ZNF23: variants seen among roughly 807,000 people sequenced by gnomAD.
The protein encoded by ZNF23 is zinc finger protein 23.
ZNF23 carries 48 observed loss-of-function variants against 56.2 expected under a neutral mutation model. The ratio of observed to expected loss-of-function variants is 0.85; its 90% CI spans 0.68 to 1.09. The LOEUF is 1.09. Among genes scored for constraint, ZNF23 ranks in the 50% least tolerant of loss-of-function variants. The pLI, the probability that ZNF23 is intolerant of heterozygous loss-of-function variation, is 0.00. For missense variants in ZNF23, 805 were observed against 811.4 expected, an observed-to-expected ratio of 0.99 and a Z score of 0.10; for synonymous variants, 266 against 283.3, an observed-to-expected ratio of 0.94 and a Z score of 0.61.
rs781391275 is a variant in ZNF23, at chr16:71,448,791, T to G, written c.1363A>C (p.Arg455=). The change falls in exon 5 of 5, where the codon AGA becomes CGA. Residue 455 remains arginine (R), a synonymous_variant. Coordinates refer to ENST00000647773, the MANE Select transcript of ZNF23 (RefSeq NM_001381984.1). ...SVKGKLIQHQ[R]IHTGEKPYEC... Reference sequence around the variant, plus strand: ...TAGGGTTTCTCGCCTGTGTGAATTCTCTGGTGTTGGATTAACTTCCCTTTG... The same window carrying G: ...TAGGGTTTCTCGCCTGTGTGAATTCGCTGGTGTTGGATTAACTTCCCTTTG... 5 of 1,614,246 alleles carry G rather than the reference T, an allele frequency of 3.1e-6. 1 individual carries two copies. The highest frequency in any genetic ancestry group is 4.2e-6 in the Non-Finnish European group (5 of 1,180,044).
At chr16:71,454,245 A>C in intron 2 of ZNF23, 77 bp from the exon 3 acceptor site, 1 of 1,527,380 alleles carries the variant, frequency 6.5e-7, no homozygotes, top group Non-Finnish European at 8.7e-7. Context: ...GCGCAGTATA[A>C]GGGCTTGGGG....
intron 1 of ZNF23, among the ~76,000 whole-genome samples, chr16:71,458,126 A>C (rs2043306887): frequency 6.6e-6 from 1 of 152,148 alleles, no homozygotes; most frequent in Non-Finnish European, 1.5e-5. Flanking sequence ...CTGTTTCCCA[A>C]ACTTTCCAGT....
At chr16:71,455,519 G>A (rs761410561) in intron 2 of ZNF23, among the ~76,000 whole-genome samples, 2 of 152,054 alleles carry the variant, frequency 1.3e-5, no homozygotes, top group African/African-American at 4.8e-5. Context: ...ATAAAACCCA[G>A]CTAATTTTTC....
intron 3 of ZNF23, 51 bp from the exon 4 acceptor site, chr16:71,453,401 C>A: frequency 7.3e-7 from 1 of 1,370,040 alleles, no homozygotes; most frequent in South Asian, 1.2e-5. Context: ...CTCCCACAGA[C>A]AAATTCCTAA....
chr16:71,454,205 C>T (rs764514101), intron 2 of ZNF23, 37 bp from the exon 3 acceptor site: 2 of 1,599,354 alleles, frequency 1.3e-6, no homozygotes, highest in Admixed American at 1.7e-5. Context: ...AGGGCCAATT[C>T]CATAGCTCAG....
rs766734470 is a variant in ZNF23, at chr16:71,448,259, C to A, written c.1895G>T (p.Arg632Ile). The change falls in exon 5 of 5, where the codon AGA becomes ATA. Residue 632 changes from arginine to isoleucine, a missense_variant. Transcript: ENST00000647773. ...GAAGCCTTTGCCACATTCCACACATCTGAAGGGTTTCTCCCCAGTGTGGCT... is the reference window on the plus strand; with the variant it reads ...GAAGCCTTTGCCACATTCCACACATATGAAGGGTTTCTCCCCAGTGTGGCT... Reference protein sequence around the residue: ...QRSHTGEKPFRCVECGKGFSF... With the variant: ...QRSHTGEKPFICVECGKGFSF... The A allele has an allele frequency of 6.2e-7, 1 of 1,614,208 alleles. No individual in the cohort carries two copies. Among genetic ancestry groups the A allele is most frequent in the Non-Finnish European group, 8.5e-7 (1 of 1,180,038 alleles).
intron 1 of ZNF23, among the ~76,000 whole-genome samples, chr16:71,457,568 A>C (rs1450610706): frequency 6.6e-6 from 1 of 151,792 alleles, no homozygotes; most frequent in Non-Finnish European, 1.5e-5. Flanking sequence ...GTCTCAAAAA[A>C]AAAAAAATTA....
chr16:71,448,448 T>A lies in ZNF23; in HGVS notation c.1706A>T (p.His569Leu). ...NAKLTRHQRIHTGEKPFKCME... is the reference protein window; with the variant it reads ...NAKLTRHQRILTGEKPFKCME... ...ACATTTGAAAGGTTTCTCCCCAGTA[T>A]GTATCCTCTGATGCCTAGTTAGTTT... The change falls in exon 5 of 5, where the codon CAT (histidine) becomes CTT (leucine). Residue 569 changes from histidine (H) to leucine (L), a missense_variant. His to Leu is a moderately conservative substitution (Grantham distance 99, BLOSUM62 -3). Coordinates refer to ENST00000647773, the MANE Select transcript of ZNF23 (RefSeq NM_001381984.1). The A allele has an allele frequency of 6.2e-7, 1 of 1,614,240 alleles. No individual in the cohort carries two copies. Among genetic ancestry groups the A allele is most frequent in the Non-Finnish European group, 8.5e-7 (1 of 1,180,028 alleles).
chr16:71,455,714 C>A (rs2043207837), intron 2 of ZNF23, among the ~76,000 whole-genome samples: 1 of 152,158 alleles, frequency 6.6e-6, no homozygotes, highest in Non-Finnish European at 1.5e-5. Context: ...GATGGCTTTC[C>A]TTGATGAAGC....
intron 1 of ZNF23, chr16:71,461,512 T>C (rs977773544): frequency 1.2e-4 from 19 of 152,240 alleles, no homozygotes; most frequent in African/African-American, 3.6e-4. Flanking sequence ...GTACTTTAGG[T>C]AGTAAATTTG....
At chr16:71,458,213 C>T (rs191187455) in intron 1 of ZNF23, among the ~76,000 whole-genome samples, 5 of 152,312 alleles carry the variant, frequency 3.3e-5, no homozygotes, top group Non-Finnish European at 7.4e-5. Flanking sequence ...GCAGCCAGTC[C>T]CGTGACCCAG....
chr16:71,457,912 C>A (rs2043298785), intron 1 of ZNF23, among the ~76,000 whole-genome samples: 1 of 152,140 alleles, frequency 6.6e-6, no homozygotes, highest in Non-Finnish European at 1.5e-5. Flanking sequence ...TGGGCTGCAG[C>A]CCCAGTACAC....
At chr16:71,454,780 C>T (rs1459321784) in intron 2 of ZNF23, among the ~76,000 whole-genome samples, 2 of 152,222 alleles carry the variant, frequency 1.3e-5, no homozygotes, top group African/African-American at 2.4e-5. Context: ...AAGTCTCATC[C>T]TTTCCAACTT....
At chr16:71,457,408 T>C (rs2043275718) in intron 1 of ZNF23, among the ~76,000 whole-genome samples, 1 of 152,020 alleles carries the variant, frequency 6.6e-6, no homozygotes, top group South Asian at 2.1e-4. Context: ...ACTAAAAATA[T>C]AAAAATTAGC....
chr16:71,453,949 A>G, intron 3 of ZNF23, 93 bp downstream of exon 3: 1 of 1,437,212 alleles, frequency 7.0e-7, no homozygotes, highest in Non-Finnish European at 9.8e-7. Flanking sequence ...TCAGTAAAGG[A>G]TTACCAGAGA....
At chr16:71,453,197 T>A (rs372459373) in intron 4 of ZNF23, 46 bp downstream of exon 4, 2 of 1,445,442 alleles carry the variant, frequency 1.4e-6, no homozygotes, top group African/African-American at 2.8e-5. Context: ...GCTTTATGCC[T>A]AAAGTGCTAA....
chr16:71,449,689 A>G lies in ZNF23; in HGVS notation c.465T>C (p.Asp155=), dbSNP rs1240331610. ...KSNTIDGTVK[D]ETSPVEECFF... The stretch of plus-strand genomic sequence containing the variant: ...AACACTCCTCCACGGGGCTTGTCTC[A>G]TCTTTCACTGTTCCATCAATGGTGT... The change falls in exon 5 of 5, where the codon GAT becomes GAC. Residue 155 remains aspartate, a synonymous_variant. Transcript: ENST00000647773. 4 of 1,613,784 alleles carry G rather than the reference A, an allele frequency of 2.5e-6. No individual in the cohort carries two copies. Among genetic ancestry groups the G allele is most frequent in the Middle Eastern group, 3.3e-4 (2 of 6,062 alleles).
Position 71,456,756 on chromosome 16 carries a change from C to T in ZNF23, c.33+8G>A, listed in dbSNP as rs943101242. The T allele has an allele frequency of 2.0e-6, 2 of 985,974 alleles. No homozygotes were observed. Among genetic ancestry groups the T allele is most frequent in the African/African-American group, 3.5e-5 (2 of 57,250 alleles). The allele number at this position is 985,974 out of a possible 1,614,324, so 61.1% of individuals were successfully genotyped here. A position where few individuals can be genotyped will look rare whatever the true frequency, so the allele number is the denominator to read the frequency against. Reference sequence around the variant, plus strand: ...CCAGAGGAAGAGCTGAAGGACCCCACAGCTCACCTGGGGCCAGGCTGTCAG... The same window carrying T: ...CCAGAGGAAGAGCTGAAGGACCCCATAGCTCACCTGGGGCCAGGCTGTCAG... On this transcript the variant is annotated splice_region_variant and intron_variant, in intron 2 of 4. Transcript: ENST00000647773.
rs2042960981 is a variant in ZNF23, at chr16:71,449,209, T to C, written c.945A>G (p.Arg315=). 6.2e-7 allele frequency: 1 copy of C among 1,614,156 alleles called. No homozygotes were observed. Among genetic ancestry groups the C allele is most frequent in the African/African-American group, 1.3e-5 (1 of 75,024 alleles). The change falls in exon 5 of 5, where the codon AGA becomes AGG. Residue 315 remains arginine (R), a synonymous_variant. Coordinates refer to ENST00000647773, the MANE Select transcript of ZNF23 (RefSeq NM_001381984.1). ...GATAGGGCTTCTCTCCCGTATGGATTCTCTGATGCCTACTTAGGCTTCCAT... is the reference window on the plus strand; with the variant it reads ...GATAGGGCTTCTCTCCCGTATGGATCCTCTGATGCCTACTTAGGCTTCCAT... ...SVNGSLSRHQ[R]IHTGEKPYQC... is the part of the protein sequence containing the mutation.
Sources: allele counts gnomAD v4.1 joint callset (sites outside exome capture counted in the v4.1 genomes callset), GRCh38; gene constraint gnomAD v4.1.1; transcripts MANE v1.5; gene names NCBI Gene and HGNC (gene_info 2026-07-23, HGNC 2026-07-21).